The following DGKB variants were observed in gnomAD, a reference collection of about 807,000 sequenced individuals.
DGKB encodes 90 kDa diacylglycerol kinase.
In DGKB, 67 loss-of-function variants were observed where a neutral mutation model predicts 114.3. That is an observed-to-expected ratio of 0.59 (90% CI 0.48 to 0.72). The LOEUF (loss-of-function observed/expected upper bound fraction) is 0.72, where lower values mean the gene tolerates loss of function less well. DGKB is among the 30% of genes least tolerant of loss of function. The pLI is 0.00. For synonymous variants in DGKB, 398 were observed against 323.1 expected (o/e 1.23, Z -2.49); for missense variants, 907 against 975.2 (o/e 0.93, Z 0.93).
At chr7:14,665,996 C>T (rs965883768) in intron 13 of DGKB, among the ~76,000 whole-genome samples, 6 of 151,796 alleles carry the variant, frequency 4.0e-5, no homozygotes, top group African/African-American at 1.2e-4. Flanking sequence ...TGCAGAGAAA[C>T]AGAAGAGAAA....
intron 20 of DGKB, among the ~76,000 whole-genome samples, chr7:14,533,872 G>T (rs1164984816): frequency 6.6e-6 from 1 of 151,788 alleles, no homozygotes; most frequent in African/African-American, 2.4e-5. Context: ...ATAACTAAGG[G>T]AAATCCTTAT....
chr7:14,190,154 A>G (rs1784091047), intron 23 of DGKB, among the ~76,000 whole-genome samples: 1 of 152,178 alleles, frequency 6.6e-6, no homozygotes, highest in African/African-American at 2.4e-5. Flanking sequence ...TTAGGCCACA[A>G]AATAAATCTC....
At chr7:14,367,608 G>A (rs1816899475) in intron 21 of DGKB, among the ~76,000 whole-genome samples, 1 of 151,912 alleles carries the variant, frequency 6.6e-6, no homozygotes, top group Non-Finnish European at 1.5e-5. Context: ...ACTAGGCTAA[G>A]CTACGATGCT....
At chr7:14,375,287 A>G (rs1818304665) in intron 21 of DGKB, among the ~76,000 whole-genome samples, 1 of 152,224 alleles carries the variant, frequency 6.6e-6, no homozygotes. Context: ...TCTCTTTTAG[A>G]TATGTCATTG....
chr7:14,611,504 A>T (rs185109721), intron 16 of DGKB, among the ~76,000 whole-genome samples: 4 of 152,284 alleles, frequency 2.6e-5, no homozygotes, highest in East Asian at 3.9e-4. Context: ...ACCTTGTGAA[A>T]GGTGCCTCTT....
chr7:14,883,929 C>T (rs1854627879), intron 1 of DGKB, among the ~76,000 whole-genome samples: 1 of 151,938 alleles, frequency 6.6e-6, no homozygotes, highest in Admixed American at 6.6e-5. Context: ...TAGGTGCTTC[C>T]ATCACCATTC....
At chr7:14,197,844 C>A (rs1258133266) in intron 23 of DGKB, among the ~76,000 whole-genome samples, 1 of 152,096 alleles carries the variant, frequency 6.6e-6, no homozygotes, top group Non-Finnish European at 1.5e-5. Context: ...CACAGGCATT[C>A]ATCGAGTGAA....
intron 6 of DGKB, among the ~76,000 whole-genome samples, chr7:14,707,331 T>C (rs944669264): frequency 1.7e-4 from 25 of 150,274 alleles, no homozygotes; most frequent in African/African-American, 6.2e-4. Context: ...ATCAATAGTT[T>C]ACCAACCAAA....
chr7:14,599,257 G>A (rs180682963), intron 17 of DGKB, among the ~76,000 whole-genome samples: 1 of 152,270 alleles, frequency 6.6e-6, no homozygotes, highest in South Asian at 2.1e-4. Flanking sequence ...TGGGCCAGAT[G>A]CTAGGACACC....
chr7:14,282,460 T>C lies in DGKB; in HGVS notation c.2122+56055A>G, dbSNP rs1291704781. Among the ~76,000 whole-genome samples the C allele has an allele frequency of 2.2e-3, 332 of 150,956 alleles. 2 individuals are homozygous for C. The highest frequency in any genetic ancestry group is 7.6e-3 in the African/African-American group (313 of 41,014). ...AAGGAGGAACTGGTACCATTCCTTC[T>C]GAAACTATTCCAATCAATAGAAAAA... On this transcript the variant is annotated intron_variant, in intron 23 of 25. Transcript: ENST00000402815.
chr7:14,558,742 T>G (rs1159888895), intron 20 of DGKB, among the ~76,000 whole-genome samples: 1 of 152,184 alleles, frequency 6.6e-6, no homozygotes, highest in Non-Finnish European at 1.5e-5. Context: ...CTCAGCAATT[T>G]TATGGCTGTT....
At chr7:14,679,285 G>A (rs755798367) in intron 12 of DGKB, among the ~76,000 whole-genome samples, 1 of 151,994 alleles carries the variant, frequency 6.6e-6, no homozygotes, top group South Asian at 2.1e-4. Flanking sequence ...TATGTATGAG[G>A]TCTTGTCCTA....
At chr7:14,384,530 C>G (rs1174691675) in intron 21 of DGKB, among the ~76,000 whole-genome samples, 1 of 152,140 alleles carries the variant, frequency 6.6e-6, no homozygotes, top group East Asian at 1.9e-4. Flanking sequence ...ATAGGCAAAG[C>G]AAAATACATG....
chr7:14,244,543 G>T (rs1014995764), intron 23 of DGKB, among the ~76,000 whole-genome samples: 1 of 151,796 alleles, frequency 6.6e-6, no homozygotes, highest in African/African-American at 2.4e-5. Flanking sequence ...GGTGGCATGT[G>T]CCTGTAATCT....
chr7:14,729,124 T>TA (rs1554624742), intron 5 of DGKB, among the ~76,000 whole-genome samples: 1 of 70,432 alleles, frequency 1.4e-5, no homozygotes, highest in East Asian at 3.0e-4. Context: ...ATTTTCTTTC[T>TA]TTTTTTTTTT....
intron 4 of DGKB, among the ~76,000 whole-genome samples, chr7:14,750,799 T>C (rs1253988584): frequency 1.5e-5 from 2 of 129,064 alleles, no homozygotes; most frequent in South Asian, 2.6e-4. Flanking sequence ...ATTTCTTTTT[T>C]TTTTTTTTTT....
chr7:14,947,168 T>C (rs2128258040), intron 1 of DGKB, among the ~76,000 whole-genome samples: 1 of 151,798 alleles, frequency 6.6e-6, no homozygotes, highest in East Asian at 1.9e-4. Flanking sequence ...ACCTTCTTAT[T>C]TTACTAAGTA....
At chr7:14,493,102 G>C (rs1330425802) in intron 20 of DGKB, among the ~76,000 whole-genome samples, 1 of 152,074 alleles carries the variant, frequency 6.6e-6, no homozygotes. Context: ...AATTAGGCAA[G>C]TATATGTGGT....
At chr7:14,366,865 A>C (rs1307418196) in intron 21 of DGKB, among the ~76,000 whole-genome samples, 1 of 152,178 alleles carries the variant, frequency 6.6e-6, no homozygotes, top group East Asian at 1.9e-4. Context: ...TTATTGTGTC[A>C]AAATTGTAGA....
Sources: allele counts gnomAD v4.1 joint callset (sites outside exome capture counted in the v4.1 genomes callset), GRCh38; gene constraint gnomAD v4.1.1; transcripts MANE v1.5; gene names NCBI Gene and HGNC (gene_info 2026-07-23, HGNC 2026-07-21).